The following OPCML variants were observed in gnomAD, a reference collection of about 807,000 sequenced individuals.
OPCML encodes the protein opioid binding protein/cell adhesion molecule like.
In OPCML, 13 loss-of-function variants were observed where a neutral mutation model predicts 37.8. That is an observed-to-expected ratio of 0.34 (90% CI 0.22 to 0.55). The LOEUF (loss-of-function observed/expected upper bound fraction) is 0.55, where lower values mean the gene tolerates loss of function less well. OPCML is among the 20% of genes least tolerant of loss of function. The pLI, the probability that OPCML is intolerant of heterozygous loss-of-function variation, is 0.91. For synonymous variants in OPCML, 176 were observed against 168.8 expected (o/e 1.04, Z -0.33); for missense variants, 341 against 435.6 (o/e 0.78, Z 1.93).
chr11:132,827,182 T>C (rs1940399748), intron 2 of OPCML, among the ~76,000 whole-genome samples: 1 of 152,094 alleles, frequency 6.6e-6, no homozygotes, highest in African/African-American at 2.4e-5. Context: ...GAAAGATATA[T>C]CTCATAACAG....
At chr11:133,069,252 C>G (rs1756541044) in intron 1 of OPCML, among the ~76,000 whole-genome samples, 1 of 152,110 alleles carries the variant, frequency 6.6e-6, no homozygotes, top group Non-Finnish European at 1.5e-5. Flanking sequence ...AAAATGAAAC[C>G]ATGAAACCAT....
chr11:132,800,212 G>A (rs1324642046), intron 2 of OPCML, among the ~76,000 whole-genome samples: 1 of 151,740 alleles, frequency 6.6e-6, no homozygotes, highest in Non-Finnish European at 1.5e-5. Flanking sequence ...TTTATTTTTG[G>A]ATTGCTCATT....
At chr11:133,424,241 A>G (rs986752568) in intron 1 of OPCML, among the ~76,000 whole-genome samples, 1 of 152,134 alleles carries the variant, frequency 6.6e-6, no homozygotes, top group African/African-American at 2.4e-5. Flanking sequence ...TCCTGCCTCA[A>G]TTGCATCATT....
chr11:133,509,586 C>A (rs1174050399), intron 1 of OPCML, among the ~76,000 whole-genome samples: 1 of 152,150 alleles, frequency 6.6e-6, no homozygotes, highest in Non-Finnish European at 1.5e-5. Flanking sequence ...AAAATCCTCT[C>A]ACACTTCCTA....
At chr11:132,597,441 C>CTTGACTCTTATT (rs1404711011) in intron 3 of OPCML, among the ~76,000 whole-genome samples, 3 of 152,170 alleles carry the variant, frequency 2.0e-5, no homozygotes, top group African/African-American at 7.2e-5. Flanking sequence ...GACGATCTTA[C>CTTGACTCTTATT]TGGCCTCTTA....
rs575831496 is a variant in OPCML, at chr11:132,480,346, C to A, written c.506-42987G>T. Among the ~76,000 whole-genome samples the A allele has an allele frequency of 7.2e-4, 110 of 152,194 alleles. 3 individuals carry two copies. In the South Asian group the frequency reaches 0.013, roughly 18 times the overall value. On this transcript the variant is annotated intron_variant, in intron 4 of 7. Transcript: ENST00000524381. ...AAAGAATAAAAAGAAACGAGTAAAG[C>A]CTTGAAGAAATATGGGACTATGTGA...
chr11:132,714,671 C>A (rs556992159), intron 2 of OPCML, among the ~76,000 whole-genome samples: 1 of 152,128 alleles, frequency 6.6e-6, no homozygotes, highest in Non-Finnish European at 1.5e-5. Flanking sequence ...ACTGGCTTAT[C>A]GAAGAGTCTT....
chr11:133,281,435 C>G (rs899378726), intron 1 of OPCML, among the ~76,000 whole-genome samples: 5 of 152,096 alleles, frequency 3.3e-5, no homozygotes, highest in Admixed American at 6.5e-5. Flanking sequence ...GTCCCTGTCA[C>G]CTTCTGCCAT....
chr11:133,266,446 A>G (rs1431667863), intron 1 of OPCML, among the ~76,000 whole-genome samples: 4 of 152,170 alleles, frequency 2.6e-5, no homozygotes, highest in Non-Finnish European at 5.9e-5. Flanking sequence ...CTCTAAGTCT[A>G]GATTACATTT....
intron 1 of OPCML, among the ~76,000 whole-genome samples, chr11:133,042,869 C>T (rs1372986593): frequency 1.3e-5 from 2 of 152,116 alleles, no homozygotes; most frequent in Non-Finnish European, 2.9e-5. Context: ...CGAGACGCCT[C>T]CTCTATTTTT....
intron 1 of OPCML, among the ~76,000 whole-genome samples, chr11:133,326,042 A>C (rs943284723): frequency 6.6e-6 from 1 of 152,166 alleles, no homozygotes; most frequent in Non-Finnish European, 1.5e-5. Flanking sequence ...CTTCATTAAA[A>C]TTAAGCCTCA....
chr11:132,645,813 T>C (rs1451393171), intron 3 of OPCML, among the ~76,000 whole-genome samples: 1 of 152,246 alleles, frequency 6.6e-6, no homozygotes, highest in Non-Finnish European at 1.5e-5. Flanking sequence ...TAGTCACAAC[T>C]GAAGTTCTCA....
intron 1 of OPCML, among the ~76,000 whole-genome samples, chr11:133,320,968 G>A (rs1187303761): frequency 2.0e-5 from 3 of 152,142 alleles, no homozygotes; most frequent in Non-Finnish European, 2.9e-5. Context: ...AAAACAGAGA[G>A]CCATTCTCCT....
intron 1 of OPCML, among the ~76,000 whole-genome samples, chr11:133,098,931 C>T (rs1386603986): frequency 6.6e-6 from 1 of 152,050 alleles, no homozygotes; most frequent in Non-Finnish European, 1.5e-5. Flanking sequence ...ACAGAAGAAT[C>T]AACAACAACA....
intron 1 of OPCML, among the ~76,000 whole-genome samples, chr11:133,391,439 G>C (rs73604512): frequency 0.033 from 5,073 of 152,176 alleles, 283 homozygotes; most frequent in African/African-American, 0.11. Flanking sequence ...ATGAGCTCCA[G>C]AAACATTAGA....
At chr11:132,915,147 C>T (rs1944562751) in intron 2 of OPCML, among the ~76,000 whole-genome samples, 1 of 152,040 alleles carries the variant, frequency 6.6e-6, no homozygotes, top group Non-Finnish European at 1.5e-5. Context: ...CTTGCTGCCT[C>T]ATTCTCATTC....
chr11:133,247,425 A>T (rs1183457733), intron 1 of OPCML, among the ~76,000 whole-genome samples: 1 of 152,184 alleles, frequency 6.6e-6, no homozygotes, highest in Non-Finnish European at 1.5e-5. Flanking sequence ...TGAGTTTACA[A>T]TACAATTGGG....
At chr11:132,581,912 A>G (rs769488001) in intron 3 of OPCML, among the ~76,000 whole-genome samples, 1 of 152,042 alleles carries the variant, frequency 6.6e-6, no homozygotes, top group Admixed American at 6.6e-5. Flanking sequence ...CCTGCCCATG[A>G]TAAGGAATGA....
intron 3 of OPCML, among the ~76,000 whole-genome samples, chr11:132,606,349 T>C (rs1938294846): frequency 6.6e-6 from 1 of 152,152 alleles, no homozygotes; most frequent in Admixed American, 6.5e-5. Flanking sequence ...TGTCCCACGA[T>C]GGCAGCTGTC....
Sources: allele counts gnomAD v4.1 joint callset (sites outside exome capture counted in the v4.1 genomes callset), GRCh38; gene constraint gnomAD v4.1.1; transcripts MANE v1.5; gene names NCBI Gene and HGNC (gene_info 2026-07-23, HGNC 2026-07-21).